The following SHROOM3 variants were observed in gnomAD, a reference collection of about 807,000 sequenced individuals.
The protein encoded by SHROOM3 is protein Shroom3.
Under a neutral mutation model 138.6 loss-of-function variants are expected in SHROOM3, and 47 were observed. That is an observed-to-expected ratio of 0.34 (90% CI 0.27 to 0.43). The LOEUF is 0.43. Ranked by LOEUF, SHROOM3 falls within the 20% of genes least tolerant of loss-of-function variation. SHROOM3 has a pLI of 1.00. For synonymous variants in SHROOM3, 1,062 were observed against 1,063.3 expected, an observed-to-expected ratio of 1.00 and a Z score of 0.02; for missense variants, 2,491 against 2,596.5, an observed-to-expected ratio of 0.96 and a Z score of 0.88.
Position 76,741,867 on chromosome 4 carries a change from C to G in SHROOM3, c.3694C>G (p.Leu1232Val). Reference sequence around the variant, plus strand: ...GGACCTGCTGGAACGCTCGGACGTCCTTGCGGGCCCTGTCCATGTGAGGTC... The same window carrying G: ...GGACCTGCTGGAACGCTCGGACGTCGTTGCGGGCCCTGTCCATGTGAGGTC... ...AEDLLERSDV[L>V]AGPVHVRSRS... Residue 1232 changes from leucine (L) to valine (V), a missense_variant, in exon 5 of 11, where the codon CTT becomes GTT. Leu to Val is a conservative substitution (Grantham distance 32). Coordinates refer to ENST00000296043, the MANE Select transcript of SHROOM3 (RefSeq NM_020859.4). The surrounding 1 kb of genome is among the most constrained non-coding windows in gnomAD (Gnocchi z 6.2). 2 of 1,611,648 alleles carry G rather than the reference C, an allele frequency of 1.2e-6. No individual in the cohort carries two copies. The highest frequency in any genetic ancestry group is 1.7e-6 in the Non-Finnish European group (2 of 1,179,738).
chr4:76,720,621 T>C (rs949719727), intron 3 of SHROOM3, among the ~76,000 whole-genome samples: 2 of 151,322 alleles, frequency 1.3e-5, no homozygotes, highest in African/African-American at 2.4e-5. Flanking sequence ...TTCTTTTTTT[T>C]TTTTTTTTTG....
chr4:76,493,939 A>G (rs561685566), intron 1 of SHROOM3, among the ~76,000 whole-genome samples: 1 of 152,344 alleles, frequency 6.6e-6, no homozygotes, highest in East Asian at 1.9e-4. Flanking sequence ...AGATTATGCC[A>G]CTGCACTCCA....
At chr4:76,733,790 G>C (rs1720951325) in intron 4 of SHROOM3, among the ~76,000 whole-genome samples, 2 of 152,144 alleles carry the variant, frequency 1.3e-5, no homozygotes, top group African/African-American at 2.4e-5. Flanking sequence ...AGGCGTAAGA[G>C]GGGGTGAGAG....
At chr4:76,701,598 G>A (rs1418552735) in intron 2 of SHROOM3, among the ~76,000 whole-genome samples, 4 of 152,174 alleles carry the variant, frequency 2.6e-5, no homozygotes, top group Non-Finnish European at 4.4e-5. Context: ...ATAATGGTTC[G>A]CTGTAGAGAT....
At chr4:76,776,706 A>G (rs1393719508) in intron 10 of SHROOM3, among the ~76,000 whole-genome samples, 3 of 152,168 alleles carry the variant, frequency 2.0e-5, no homozygotes, top group African/African-American at 4.8e-5. Flanking sequence ...AGTTAAATAT[A>G]TCTTCTAGAA....
rs554055748 is a variant in SHROOM3 at position 76,492,013 on chromosome 4, G to T, written c.168+55793G>T. On this transcript the variant is annotated intron_variant, in intron 1 of 10. Transcript: ENST00000296043. ...AGAAAATGAGGGCTTTTTAACAAAA[G>T]TCTGTAAAGGCCGAACAGCCTGGCC... Among the ~76,000 whole-genome samples the T allele has an allele frequency of 8.5e-5, 13 of 152,312 alleles. No individual in the cohort carries two copies. In the South Asian group the frequency reaches 1.9e-3, roughly 22 times the overall value.
At chr4:76,694,528 T>C (rs1265432212) in intron 2 of SHROOM3, among the ~76,000 whole-genome samples, 1 of 152,226 alleles carries the variant, frequency 6.6e-6, no homozygotes, top group Non-Finnish European at 1.5e-5. Context: ...AATGGTCTTA[T>C]ATAAAGGCAA....
intron 10 of SHROOM3, among the ~76,000 whole-genome samples, chr4:76,775,759 CAT>C (rs907834801): frequency 8.0e-5 from 12 of 149,994 alleles, no homozygotes; most frequent in South Asian, 2.1e-4. Context: ...ATACACACAC[CAT>C]ATATATGTGT....
At chr4:76,708,831 AT>A (rs1275489775) in intron 2 of SHROOM3, among the ~76,000 whole-genome samples, 2 of 152,154 alleles carry the variant, frequency 1.3e-5, no homozygotes, top group Admixed American at 1.3e-4. Context: ...GAGACTCAGA[AT>A]TTACTTGACC....
intron 1 of SHROOM3, among the ~76,000 whole-genome samples, chr4:76,509,049 A>G (rs1442815980): frequency 6.6e-6 from 1 of 152,212 alleles, no homozygotes; most frequent in Non-Finnish European, 1.5e-5. Context: ...ACTTCCCAAA[A>G]GACACACCTC....
In SHROOM3 at chr4:76,741,915, G is replaced by A; in HGVS notation, c.3742G>A (p.Asp1248Asn). The A allele has an allele frequency of 2.5e-6, 4 of 1,612,368 alleles. No homozygotes were observed. Among genetic ancestry groups the A allele is most frequent in the Non-Finnish European group, 2.5e-6 (3 of 1,179,942 alleles). The change falls in exon 5 of 11, where the codon GAC becomes AAC. Residue 1248 changes from aspartate to asparagine, a missense_variant. Physicochemically the swap from Asp to Asn is conservative, Grantham distance 23. Coordinates refer to ENST00000296043, the MANE Select transcript of SHROOM3 (RefSeq NM_020859.4). This position sits in a 1 kb window ranked among gnomAD's most constrained non-coding sequence, Gnocchi z 6.2. Reference sequence around the variant, plus strand: ...GTCCAGGTCATCTCCCGCCACCGCAGACAAGCGCCAGGTACGTGCAACCAG... The same window carrying A: ...GTCCAGGTCATCTCCCGCCACCGCAAACAAGCGCCAGGTACGTGCAACCAG... Reference protein sequence around the residue: ...VRSRSSPATADKRQDVLLGQD... With the variant: ...VRSRSSPATANKRQDVLLGQD...
chr4:76,555,737 C>G lies in SHROOM3; in HGVS notation c.297C>G (p.Tyr99Ter). The G allele has an allele frequency of 6.2e-7, 1 of 1,613,710 alleles. No homozygotes were observed. Among genetic ancestry groups the G allele is most frequent in the Non-Finnish European group, 8.5e-7 (1 of 1,179,992 alleles). The change falls in exon 2 of 11, where the codon TAC (tyrosine) becomes TAG (stop). Residue 99 changes from tyrosine (Y) to a stop codon, truncating the protein, a stop_gained. Coordinates refer to ENST00000296043, the MANE Select transcript of SHROOM3 (RefSeq NM_020859.4). LOFTEE classifies it high-confidence loss of function. Reference protein sequence around the residue: ...KEAVSLVKGSYKTLRLVVRRD... With the variant: ...KEAVSLVKGS Reference sequence around the variant, plus strand: ...CAGTTTCCCTGGTGAAAGGATCCTACAAGACCCTCAGGCTGGTAGTGCGCA... The same window carrying G: ...CAGTTTCCCTGGTGAAAGGATCCTAGAAGACCCTCAGGCTGGTAGTGCGCA...
At position 76,756,473 on chromosome 4, in the gene SHROOM3, A is replaced by G; in HGVS notation, c.4734A>G (p.Thr1578=). 1 of 1,612,482 alleles carries G rather than the reference A, an allele frequency of 6.2e-7. No individual in the cohort carries two copies. The highest frequency in any genetic ancestry group is 8.5e-7 in the Non-Finnish European group (1 of 1,179,726). Residue 1578 remains threonine (T), a synonymous_variant, in exon 8 of 11, where the codon ACA becomes ACG. Transcript: ENST00000296043. The part of the protein sequence containing the change: ...RPSFNKLSKV[T]IARERHMPGA... Reference sequence around the variant, plus strand: ...GCTTCAACAAACTTTCTAAAGTGACAATTGCAAGGGAAAGGCACATGCCTG... The same window carrying G: ...GCTTCAACAAACTTTCTAAAGTGACGATTGCAAGGGAAAGGCACATGCCTG...
At chr4:76,725,406 C>G (rs1277620897) in intron 3 of SHROOM3, among the ~76,000 whole-genome samples, 1 of 152,142 alleles carries the variant, frequency 6.6e-6, no homozygotes, top group Admixed American at 6.5e-5. Context: ...GAGACAATAT[C>G]TTAGTCATTA....
At chr4:76,552,764 A>G (rs1401202470) in intron 1 of SHROOM3, among the ~76,000 whole-genome samples, 1 of 151,870 alleles carries the variant, frequency 6.6e-6, no homozygotes, top group Non-Finnish European at 1.5e-5. Context: ...AAGGTTTTTG[A>G]ACATGTGGGC....
chr4:76,450,076 C>T (rs970325720), intron 1 of SHROOM3, among the ~76,000 whole-genome samples: 3 of 152,088 alleles, frequency 2.0e-5, no homozygotes, highest in African/African-American at 7.2e-5. Context: ...CCATTGATTG[C>T]CGAACACATT....
chr4:76,580,502 G>T (rs900396307), intron 2 of SHROOM3, among the ~76,000 whole-genome samples: 1 of 147,184 alleles, frequency 6.8e-6, no homozygotes. Context: ...GTCCAGGCTG[G>T]AGTGTAACGG....
chr4:76,760,923 T>C (rs1393501907), intron 9 of SHROOM3, among the ~76,000 whole-genome samples: 2 of 152,252 alleles, frequency 1.3e-5, no homozygotes, highest in Admixed American at 1.3e-4. Flanking sequence ...CTGAACGTTT[T>C]ACACAATTTT....
chr4:76,465,483 C>T (rs1354909274), intron 1 of SHROOM3, among the ~76,000 whole-genome samples: 2 of 152,180 alleles, frequency 1.3e-5, no homozygotes, highest in African/African-American at 4.8e-5. Context: ...CAGGACTTCC[C>T]ATCAGCCTGG....
Sources: gnomAD v4.1 joint callset for allele counts (sites outside exome capture counted in the v4.1 genomes callset) on GRCh38, gnomAD v4.1.1 for gene constraint, Gnocchi (gnomAD v3.1) non-coding constraint, MANE v1.5 for transcripts, NCBI Gene and HGNC (gene_info 2026-07-23, HGNC 2026-07-21) for gene names.